Variants in NPTN observed in about 807,000 individuals in gnomAD.
NPTN encodes the protein SDR-1.
In NPTN, 5 loss-of-function variants were observed where a neutral mutation model predicts 42.7. The observed-to-expected ratio is 0.12, with a 90% CI of 0.06 to 0.25. The LOEUF (loss-of-function observed/expected upper bound fraction) is 0.25, where lower values mean the gene tolerates loss of function less well. Ranked by LOEUF, NPTN falls within the 10% of genes least tolerant of loss-of-function variation. The pLI is 1.00. For missense variants in NPTN, 307 were observed against 525.4 expected (o/e 0.58, Z 4.06); for synonymous variants, 180 against 201.9 (o/e 0.89, Z 0.92).
At chr15:73,565,191 C>T (rs1430548093) in intron 6 of NPTN, among the ~76,000 whole-genome samples, 1 of 152,196 alleles carries the variant, frequency 6.6e-6, no homozygotes, top group African/African-American at 2.4e-5. Context: ...CCCAGGAGCC[C>T]TCTTCATCTG....
intron 1 of NPTN, among the ~76,000 whole-genome samples, chr15:73,602,061 C>T (rs889507863): frequency 2.0e-4 from 30 of 152,266 alleles, no homozygotes; most frequent in African/African-American, 7.2e-4. Context: ...CACAGAAGAG[C>T]AAGTTGAGCC....
chr15:73,614,037 T>A (rs1308766547), intron 1 of NPTN, among the ~76,000 whole-genome samples: 2 of 151,698 alleles, frequency 1.3e-5, no homozygotes, highest in South Asian at 2.1e-4. Flanking sequence ...TTAAGCCAGG[T>A]GTGGTGGCTC....
chr15:73,618,484 T>C (rs1353451931), intron 1 of NPTN, among the ~76,000 whole-genome samples: 7 of 152,174 alleles, frequency 4.6e-5, no homozygotes, highest in Admixed American at 2.0e-4. Flanking sequence ...GTGGCAAATG[T>C]TTATCTAGAA....
chr15:73,629,132 T>C (rs1898590929), intron 1 of NPTN, among the ~76,000 whole-genome samples: 1 of 152,216 alleles, frequency 6.6e-6, no homozygotes, highest in African/African-American at 2.4e-5. Flanking sequence ...GGTCCTGATG[T>C]AGTAACATGG....
intron 3 of NPTN, among the ~76,000 whole-genome samples, chr15:73,591,143 T>C (rs755714543): frequency 5.3e-5 from 8 of 152,198 alleles, no homozygotes; most frequent in South Asian, 4.1e-4. Context: ...CACAAATTCA[T>C]TTGGATCAAC....
chr15:73,590,601 A>C (rs1896539709), intron 3 of NPTN, among the ~76,000 whole-genome samples: 2 of 149,190 alleles, frequency 1.3e-5, no homozygotes, highest in African/African-American at 2.5e-5. Context: ...GTCTCTACAA[A>C]AAATACAAAA....
At chr15:73,619,628 A>G (rs2141466872) in intron 1 of NPTN, among the ~76,000 whole-genome samples, 1 of 152,362 alleles carries the variant, frequency 6.6e-6, no homozygotes, top group South Asian at 2.1e-4. Context: ...AATAGTTTGG[A>G]ATAAGCATAT....
At chr15:73,577,054 C>G (rs1227667804) in intron 4 of NPTN, among the ~76,000 whole-genome samples, 1 of 152,148 alleles carries the variant, frequency 6.6e-6, no homozygotes, top group East Asian at 1.9e-4. Context: ...AGTCCCCAAA[C>G]TAATGCTTTC....
intron 4 of NPTN, among the ~76,000 whole-genome samples, chr15:73,587,169 C>T (rs768090991): frequency 6.6e-6 from 1 of 152,206 alleles, no homozygotes; most frequent in African/African-American, 2.4e-5. Flanking sequence ...ATAGGAGCTG[C>T]CAGCATTCAA....
At chr15:73,582,051 G>T (rs1017300225) in intron 4 of NPTN, among the ~76,000 whole-genome samples, 2 of 152,134 alleles carry the variant, frequency 1.3e-5, no homozygotes, top group Admixed American at 6.5e-5. Context: ...GGTCAGGCTG[G>T]TCTGGTCTTG....
intron 1 of NPTN, among the ~76,000 whole-genome samples, chr15:73,617,198 C>A (rs953831291): frequency 2.0e-5 from 3 of 152,054 alleles, no homozygotes; most frequent in African/African-American, 7.2e-5. Context: ...CTACATAAAC[C>A]AAGCTTTGAA....
intron 1 of NPTN, among the ~76,000 whole-genome samples, chr15:73,610,700 T>A (rs1057168383): frequency 6.6e-6 from 1 of 152,234 alleles, no homozygotes; most frequent in Non-Finnish European, 1.5e-5. Flanking sequence ...TAGTAACCCC[T>A]ATTTTAGACT....
intron 1 of NPTN, among the ~76,000 whole-genome samples, chr15:73,617,052 T>C (rs1422876346): frequency 6.6e-6 from 1 of 152,188 alleles, no homozygotes; most frequent in Non-Finnish European, 1.5e-5. Flanking sequence ...ACAGATGTAT[T>C]CCAGCAGTTC....
intron 3 of NPTN, among the ~76,000 whole-genome samples, chr15:73,588,017 G>A (rs942336767): frequency 1.3e-5 from 2 of 152,156 alleles, no homozygotes; most frequent in African/African-American, 4.8e-5. Flanking sequence ...TGAGACAGGT[G>A]GATCACGAGG....
At chr15:73,582,130 C>A (rs1316122439) in intron 4 of NPTN, among the ~76,000 whole-genome samples, 3 of 152,172 alleles carry the variant, frequency 2.0e-5, no homozygotes, top group East Asian at 3.9e-4. Flanking sequence ...CAAGACACTG[C>A]GCCTGGCCTT....
intron 1 of NPTN, among the ~76,000 whole-genome samples, chr15:73,600,349 T>C (rs1054402428): frequency 1.3e-4 from 19 of 147,164 alleles, no homozygotes; most frequent in African/African-American, 5.0e-4. Flanking sequence ...TTATTGTTAT[T>C]ACCATTATTA....
intron 3 of NPTN, among the ~76,000 whole-genome samples, chr15:73,591,434 A>G (rs756892818): frequency 5.3e-5 from 8 of 152,096 alleles, no homozygotes; most frequent in Non-Finnish European, 8.8e-5. Context: ...TTTTCAAAGG[A>G]TATTTCCAGG....
intron 1 of NPTN, among the ~76,000 whole-genome samples, chr15:73,612,524 T>G (rs1221552564): frequency 6.6e-6 from 1 of 151,930 alleles, no homozygotes; most frequent in Admixed American, 6.6e-5. Flanking sequence ...TCCCAGCACT[T>G]TGGGAGGCCG....
At position 73,563,346 on chromosome 15, in the gene NPTN, A is replaced by G. The variant is rs1894802749; in HGVS notation, c.1115-89T>C. Reference sequence around the variant, plus strand: ...GATTCTGCATAAGGATTAACAGAATAGCAAACTGCAAGTGGCAATCATGGC... The same window carrying G: ...GATTCTGCATAAGGATTAACAGAATGGCAAACTGCAAGTGGCAATCATGGC... On this transcript the variant is annotated intron_variant, in intron 6 of 8. Transcript: ENST00000345330. The G allele has an allele frequency of 6.4e-6, 10 of 1,573,914 alleles. No individual in the cohort carries two copies. The East Asian group carries it at 2.3e-4, about 36-fold the overall frequency.
Sources: gnomAD v4.1 joint callset for allele counts (sites outside exome capture counted in the v4.1 genomes callset) on GRCh38, gnomAD v4.1.1 for gene constraint, MANE v1.5 for transcripts, NCBI Gene and HGNC (gene_info 2026-07-23, HGNC 2026-07-21) for gene names.